Variants in TRDN observed in about 807,000 individuals in gnomAD.
TRDN encodes triadin in skeletal muscle.
Under a neutral mutation model 149.7 loss-of-function variants are expected in TRDN, and 161 were observed. That is an observed-to-expected ratio of 1.08 (90% CI 0.95 to 1.23). The LOEUF is 1.23. TRDN is among the 50% of genes most tolerant of loss of function. The pLI is 0.00. For missense variants in TRDN, 896 were observed against 823.5 expected (o/e 1.09, Z -1.08); for synonymous variants, 294 against 250.5 (o/e 1.17, Z -1.64).
At chr6:123,591,693 T>G (rs1783790906) in intron 1 of TRDN, among the ~76,000 whole-genome samples, 1 of 152,206 alleles carries the variant, frequency 6.6e-6, no homozygotes, top group Non-Finnish European at 1.5e-5. Flanking sequence ...TTTAGAGAGA[T>G]AAGGTTTCCT....
At chr6:123,539,808 ACTGT>A (rs1315099363) in intron 4 of TRDN, among the ~76,000 whole-genome samples, 1 of 152,162 alleles carries the variant, frequency 6.6e-6, no homozygotes, top group East Asian at 1.9e-4. Flanking sequence ...TTTATCTTTG[ACTGT>A]CTAACTCACT....
rs1197469685 is a variant in TRDN at position 123,216,774 on chromosome 6, TG to T, written c.*1826del. On this transcript the variant is annotated 3_prime_UTR_variant, in exon 41 of 41. Transcript: ENST00000334268. Reference sequence around the variant, plus strand: ...GTCATTCACTATGTCAGAATAGCGCTGGGAATCTAATTTATTATATTTTTCT... The same window carrying T: ...GTCATTCACTATGTCAGAATAGCGCTGGAATCTAATTTATTATATTTTTCT... 1 of 151,948 alleles carries T rather than the reference TG, an allele frequency of 6.6e-6. No homozygotes were observed. Among genetic ancestry groups the T allele is most frequent in the Admixed American group, 6.6e-5 (1 of 15,206 alleles). The allele number at this position is 151,948 out of a possible 1,614,324, so 9.4% of individuals were successfully genotyped here.
chr6:123,232,870 A>T (rs1462861929), intron 38 of TRDN, among the ~76,000 whole-genome samples: 1 of 152,030 alleles, frequency 6.6e-6, no homozygotes, highest in Non-Finnish European at 1.5e-5. Flanking sequence ...AGCAAACACT[A>T]TAAATAAATC....
chr6:123,499,499 T>C (rs1778586749), intron 8 of TRDN, among the ~76,000 whole-genome samples: 1 of 149,082 alleles, frequency 6.7e-6, no homozygotes, highest in South Asian at 2.1e-4. Context: ...AGGTCAGGAG[T>C]TCAAGGCCAG....
rs533593604 is a variant in TRDN at position 123,381,651 on chromosome 6, C to T, written c.1166-261G>A. ...GTTTAACCATTTTAAATTATTTACA[C>T]CTGATATGTAATAGTCTCTTAAACA... On this transcript the variant is annotated intron_variant, in intron 15 of 40. Coordinates refer to ENST00000334268, the MANE Select transcript of TRDN (RefSeq NM_006073.4). Among the ~76,000 whole-genome samples the T allele has an allele frequency of 2.6e-5, 4 of 152,002 alleles. No homozygotes were observed. In the South Asian group the frequency reaches 8.3e-4, roughly 31 times the overall value.
At chr6:123,580,636 C>A (rs1783076327) in intron 1 of TRDN, among the ~76,000 whole-genome samples, 1 of 152,100 alleles carries the variant, frequency 6.6e-6, no homozygotes, top group Admixed American at 6.6e-5. Flanking sequence ...GATTATTATA[C>A]CCTTTATAAA....
At chr6:123,546,234 C>T (rs1175947882) in intron 4 of TRDN, among the ~76,000 whole-genome samples, 3 of 152,078 alleles carry the variant, frequency 2.0e-5, no homozygotes, top group Non-Finnish European at 4.4e-5. Flanking sequence ...GGTGTATAAA[C>T]CCTTCCTTTC....
At chr6:123,514,222 G>C (rs569361485) in intron 6 of TRDN, among the ~76,000 whole-genome samples, 1 of 151,984 alleles carries the variant, frequency 6.6e-6, no homozygotes, top group South Asian at 2.1e-4. Flanking sequence ...AAAATTAGCT[G>C]GGTGTGGTGG....
chr6:123,390,005 A>G (rs1782047433), intron 13 of TRDN, among the ~76,000 whole-genome samples: 1 of 152,110 alleles, frequency 6.6e-6, no homozygotes, highest in African/African-American at 2.4e-5. Flanking sequence ...CCTTCAAAAA[A>G]TTTTACAATT....
chr6:123,278,085 T>C (rs865872174), intron 26 of TRDN, among the ~76,000 whole-genome samples: 4 of 152,186 alleles, frequency 2.6e-5, no homozygotes, highest in Admixed American at 1.3e-4. Flanking sequence ...TTCAATTACT[T>C]AGTTACTTCT....
At chr6:123,305,545 G>C (rs1004012992) in intron 24 of TRDN, among the ~76,000 whole-genome samples, 1 of 152,058 alleles carries the variant, frequency 6.6e-6, no homozygotes, top group Admixed American at 6.6e-5. Context: ...TCTCATGTCT[G>C]GTATATGAAA....
chr6:123,352,577 C>T lies in TRDN; in HGVS notation c.1331G>A (p.Gly444Glu), dbSNP rs761053339. The change falls in exon 21 of 41, where the codon GGA (glycine) becomes GAA (glutamate). Residue 444 changes from glycine to glutamate, a missense_variant. Gly to Glu is a moderately conservative substitution (Grantham distance 98, BLOSUM62 -2). Transcript: ENST00000334268. ...CTTGGTTGTTTTCTCTTCCTTCTTT[C>T]CAGGTACAGCTGCAAAACAAAGATA... is the stretch of plus-strand genomic sequence containing the variant. ...GAVSIKKAVPGKKEEKTTKTV... is the reference protein window; with the variant it reads ...GAVSIKKAVPEKKEEKTTKTV... 1.8e-5 allele frequency: 29 copies of T among 1,609,892 alleles called. No individual in the cohort carries two copies. The Middle Eastern group carries it at 3.1e-3, about 175-fold the overall frequency.
intron 2 of TRDN, among the ~76,000 whole-genome samples, chr6:123,565,203 C>T (rs931300491): frequency 6.6e-6 from 1 of 152,306 alleles, no homozygotes; most frequent in African/African-American, 2.4e-5. Flanking sequence ...CCTTCATTTT[C>T]TGAGAGGGAG....
chr6:123,229,342 T>C (rs1272260481), intron 38 of TRDN, among the ~76,000 whole-genome samples: 1 of 151,944 alleles, frequency 6.6e-6, no homozygotes, highest in Non-Finnish European at 1.5e-5. Context: ...CAATAGAAAG[T>C]CCTGGATTTT....
intron 16 of TRDN, among the ~76,000 whole-genome samples, chr6:123,378,386 C>T (rs9490737): frequency 0.16 from 24,337 of 151,756 alleles, 2,094 homozygotes; most frequent in African/African-American, 0.24. Flanking sequence ...CTTAATTGAT[C>T]CTCCAACCTC....
At chr6:123,531,440 G>T (rs923863546) in intron 4 of TRDN, among the ~76,000 whole-genome samples, 1 of 151,902 alleles carries the variant, frequency 6.6e-6, no homozygotes, top group Non-Finnish European at 1.5e-5. Context: ...TTGCATTTTT[G>T]TAGTTTTTCC....
At chr6:123,439,043 A>T in intron 10 of TRDN, 40 bp from the exon 11 acceptor site, 2 of 1,484,980 alleles carry the variant, frequency 1.3e-6, no homozygotes, top group Non-Finnish European at 1.8e-6. Context: ...AGGGAAATTT[A>T]GTATGAAAGC....
chr6:123,428,417 A>G (rs776941367), intron 12 of TRDN, among the ~76,000 whole-genome samples: 4 of 151,990 alleles, frequency 2.6e-5, no homozygotes, highest in Non-Finnish European at 4.4e-5. Flanking sequence ...GCCAATTTAC[A>G]GCTACATAGG....
intron 1 of TRDN, among the ~76,000 whole-genome samples, chr6:123,576,248 TC>T (rs1782852648): frequency 6.6e-6 from 1 of 152,106 alleles, no homozygotes; most frequent in Admixed American, 6.6e-5. Context: ...CAGATAAAGC[TC>T]AAACATAATA....
Sources: allele counts gnomAD v4.1 joint callset (sites outside exome capture counted in the v4.1 genomes callset), GRCh38; gene constraint gnomAD v4.1.1; transcripts MANE v1.5; gene names NCBI Gene and HGNC (gene_info 2026-07-23, HGNC 2026-07-21).